ZHX2: variants seen among roughly 807,000 people sequenced by gnomAD.
ZHX2 encodes the protein zinc fingers and homeoboxes protein 2.
ZHX2 carries 6 observed loss-of-function variants against 21.9 expected under a neutral mutation model. The ratio of observed to expected loss-of-function variants is 0.27; its 90% CI spans 0.15 to 0.54. The LOEUF is 0.54. Ranked by LOEUF, ZHX2 falls within the 20% of genes least tolerant of loss-of-function variation. The probability of loss-of-function intolerance (pLI) is 0.95; values close to 1 mark genes in which losing one functional copy is unlikely to be tolerated. For synonymous variants in ZHX2, 434 were observed against 437.1 expected, an observed-to-expected ratio of 0.99 and a Z score of 0.09; for missense variants, 908 against 1,090.7, an observed-to-expected ratio of 0.83 and a Z score of 2.36.
At chr8:122,812,894 A>G (rs1817957851) in intron 1 of ZHX2, among the ~76,000 whole-genome samples, 2 of 151,938 alleles carry the variant, frequency 1.3e-5, no homozygotes, top group South Asian at 4.2e-4. Context: ...CTTTACCACT[A>G]CTCTAAGAAG....
intron 2 of ZHX2, among the ~76,000 whole-genome samples, chr8:122,932,480 C>T (rs1297675281): frequency 1.3e-5 from 2 of 152,194 alleles, no homozygotes; most frequent in Non-Finnish European, 2.9e-5. Context: ...GCACATCACA[C>T]CAATGTCTGC....
rs545917896 is a variant in ZHX2, at chr8:122,863,123, G to A, written c.-282-354G>A. Among the ~76,000 whole-genome samples the A allele has an allele frequency of 5.7e-4, 86 of 152,210 alleles. No homozygotes were observed. In the Middle Eastern group the frequency reaches 0.014, roughly 24 times the overall value. Reference sequence around the variant, plus strand: ...CAAAATGCAACCATGAAGGGCCGCTGCCAGGAAGACTCAAGGGGACTCTGA... The same window carrying A: ...CAAAATGCAACCATGAAGGGCCGCTACCAGGAAGACTCAAGGGGACTCTGA... On this transcript the variant is annotated intron_variant, in intron 1 of 3. Coordinates refer to ENST00000314393, the MANE Select transcript of ZHX2 (RefSeq NM_014943.5).
chr8:122,852,867 C>T (rs1467679698), intron 1 of ZHX2, among the ~76,000 whole-genome samples: 6 of 152,000 alleles, frequency 3.9e-5, no homozygotes, highest in African/African-American at 2.4e-5. Flanking sequence ...ATAAGAGCCC[C>T]GGGTGCATGT....
chr8:122,831,480 G>A (rs181633819), intron 1 of ZHX2, among the ~76,000 whole-genome samples: 134 of 152,314 alleles, frequency 8.8e-4, no homozygotes, highest in Middle Eastern at 3.4e-3. Context: ...AGAACGAAGC[G>A]CCCTTCTTTG....
Position 122,823,868 on chromosome 8 carries a change from T to C in ZHX2, c.-282-39609T>C, listed in dbSNP as rs149904885. On this transcript the variant is annotated intron_variant, in intron 1 of 3. Coordinates refer to ENST00000314393, the MANE Select transcript of ZHX2 (RefSeq NM_014943.5). ...TGATTTCATATTTACCTGTTGACTT[T>C]TGCGTTGTCTGTCTTCCACACAGTA... is the stretch of plus-strand genomic sequence containing the variant. Among the ~76,000 whole-genome samples the C allele has an allele frequency of 6.5e-3, 986 of 152,348 alleles. 6 individuals carry two copies. The highest frequency in any genetic ancestry group is 0.014 in the Middle Eastern group (4 of 294).
At chr8:122,790,550 C>G (rs946666576) in intron 1 of ZHX2, among the ~76,000 whole-genome samples, 1 of 152,106 alleles carries the variant, frequency 6.6e-6, no homozygotes, top group African/African-American at 2.4e-5. Context: ...AATCTACATG[C>G]CTTTTGTGGG....
At chr8:122,905,872 A>G (rs1820335544) in intron 2 of ZHX2, among the ~76,000 whole-genome samples, 1 of 152,264 alleles carries the variant, frequency 6.6e-6, no homozygotes, top group Non-Finnish European at 1.5e-5. Flanking sequence ...CTAACCTAAT[A>G]GAATAAAATC....
chr8:122,929,289 C>T (rs1288975575), intron 2 of ZHX2, among the ~76,000 whole-genome samples: 1 of 152,308 alleles, frequency 6.6e-6, no homozygotes, highest in Non-Finnish European at 1.5e-5. Context: ...CCCCACTTCT[C>T]ATTTGTGTGT....
chr8:122,865,517 G>C (rs188236233), intron 2 of ZHX2, among the ~76,000 whole-genome samples: 277 of 152,290 alleles, frequency 1.8e-3, no homozygotes, highest in Middle Eastern at 3.4e-3. Flanking sequence ...TAGGTGCTCA[G>C]TAAATGATTG....
chr8:122,860,278 C>T (rs1239153822), intron 1 of ZHX2, among the ~76,000 whole-genome samples: 1 of 152,190 alleles, frequency 6.6e-6, no homozygotes, highest in East Asian at 1.9e-4. Flanking sequence ...TCTCCCTTGA[C>T]ACATGGGGAT....
intron 1 of ZHX2, among the ~76,000 whole-genome samples, chr8:122,831,845 T>C (rs1247566870): frequency 2.0e-5 from 3 of 152,116 alleles, no homozygotes; most frequent in Non-Finnish European, 2.9e-5. Flanking sequence ...AGAATTTGAA[T>C]ATATGTTGAT....
chr8:122,841,421 A>T (rs576143355), intron 1 of ZHX2, among the ~76,000 whole-genome samples: 7 of 151,978 alleles, frequency 4.6e-5, no homozygotes, highest in Non-Finnish European at 1.0e-4. Context: ...CTTCCTGAGC[A>T]CACCTTGCAG....
chr8:122,972,640 G>T (rs1375085730), intron 3 of ZHX2, among the ~76,000 whole-genome samples: 2 of 152,074 alleles, frequency 1.3e-5, no homozygotes, highest in East Asian at 1.9e-4. Flanking sequence ...TTTGGAAAAG[G>T]CTCCATCTAA....
chr8:122,889,651 T>G (rs1463196269), intron 2 of ZHX2, among the ~76,000 whole-genome samples: 1 of 152,254 alleles, frequency 6.6e-6, no homozygotes, highest in African/African-American at 2.4e-5. Flanking sequence ...GCAAACATAG[T>G]TGACCCTTGA....
chr8:122,800,267 G>C (rs1817692049), intron 1 of ZHX2, among the ~76,000 whole-genome samples: 1 of 152,206 alleles, frequency 6.6e-6, no homozygotes, highest in Non-Finnish European at 1.5e-5. Flanking sequence ...GAAGACACCA[G>C]TCACCATTAT....
At chr8:122,874,895 C>T (rs1819526711) in intron 2 of ZHX2, among the ~76,000 whole-genome samples, 1 of 151,310 alleles carries the variant, frequency 6.6e-6, no homozygotes, top group South Asian at 2.1e-4. Flanking sequence ...TTCTCAGGTG[C>T]CAGACCACCT....
chr8:122,844,368 C>T lies in ZHX2; in HGVS notation c.-282-19109C>T, dbSNP rs192170480. 1.1e-3 allele frequency among the ~76,000 whole-genome samples: 171 copies of T among 152,368 alleles called. 2 individuals are homozygous for T. The highest frequency in any genetic ancestry group is 2.7e-3 in the East Asian group (14 of 5,190). ...AAACTTGACGACGCTAGTCCAGGGT[C>T]CACTTATTAACCATGCCACCTTCTC... On this transcript the variant is annotated intron_variant, in intron 1 of 3. Coordinates refer to ENST00000314393, the MANE Select transcript of ZHX2 (RefSeq NM_014943.5).
chr8:122,926,658 C>G (rs1054052852), intron 2 of ZHX2, among the ~76,000 whole-genome samples: 3 of 152,172 alleles, frequency 2.0e-5, no homozygotes, highest in Non-Finnish European at 4.4e-5. Flanking sequence ...GAACTCCTTA[C>G]GAGGCATAGG....
intron 1 of ZHX2, among the ~76,000 whole-genome samples, chr8:122,805,169 G>A (rs1214388620): frequency 6.6e-6 from 1 of 152,142 alleles, no homozygotes; most frequent in African/African-American, 2.4e-5. Flanking sequence ...GGGTGGGGGT[G>A]GGGCAGCAAG....
Sources: gnomAD v4.1 joint callset for allele counts (sites outside exome capture counted in the v4.1 genomes callset) on GRCh38, gnomAD v4.1.1 for gene constraint, MANE v1.5 for transcripts, NCBI Gene and HGNC (gene_info 2026-07-23, HGNC 2026-07-21) for gene names.